ZNF638: variants seen among roughly 807,000 people sequenced by gnomAD.
The protein encoded by ZNF638 is zinc finger protein 638.
Under a neutral mutation model 195.6 loss-of-function variants are expected in ZNF638, and 46 were observed. The ratio of observed to expected loss-of-function variants is 0.24; its 90% CI spans 0.19 to 0.30. The LOEUF is 0.30. Ranked by LOEUF, ZNF638 falls within the 10% of genes least tolerant of loss-of-function variation. The probability of loss-of-function intolerance (pLI) is 1.00; values close to 1 mark genes in which losing one functional copy is unlikely to be tolerated. For synonymous variants in ZNF638, 845 were observed against 772.0 expected (o/e 1.09, Z -1.57); for missense variants, 2,440 against 2,325.3 (o/e 1.05, Z -1.01).
intron 10 of ZNF638, chr2:71,395,238 T>C (rs1330556969): frequency 1.4e-6 from 1 of 717,220 alleles, no homozygotes; most frequent in East Asian, 2.7e-5. Flanking sequence ...TGTTATTTAC[T>C]AATTCTAGGA....
intron 15 of ZNF638, 117 bp downstream of exon 15, chr2:71,400,635 A>G: frequency 1.3e-6 from 1 of 796,518 alleles, no homozygotes; most frequent in Middle Eastern, 3.2e-4. Context: ...AATTCCAGTC[A>G]TTTGTGACTT....
At position 71,359,487 on chromosome 2, in the gene ZNF638, C is replaced by T. The variant is rs529537719; in HGVS notation, c.1380-3666C>T. On this transcript the variant is annotated intron_variant, in intron 3 of 27. Transcript: ENST00000264447. ...GGCTCCCAGCCTATGGCGTGATGCC[C>T]GCCCACATTGAGGGCAGATCTTCCT... Among the ~76,000 whole-genome samples, 12 of 152,300 alleles carry T rather than the reference C, an allele frequency of 7.9e-5. 1 individual carries two copies. The South Asian group carries it at 1.7e-3, about 21-fold the overall frequency.
chr2:71,398,104 T>G (rs1006893830), intron 11 of ZNF638, among the ~76,000 whole-genome samples: 13 of 152,198 alleles, frequency 8.5e-5, no homozygotes, highest in African/African-American at 3.1e-4. Context: ...ATTCAGAAAT[T>G]TATTTAACTT....
chr2:71,399,774 T>C, intron 13 of ZNF638, 129 bp downstream of exon 13: 1 of 722,726 alleles, frequency 1.4e-6, no homozygotes, highest in Non-Finnish European at 2.3e-6. Flanking sequence ...TACAGGTTAT[T>C]TCATCACCCA....
chr2:71,395,513 G>A (rs2079874571), intron 10 of ZNF638: 2 of 608,062 alleles, frequency 3.3e-6, no homozygotes, highest in Admixed American at 2.7e-5. Context: ...AGGTAACAAA[G>A]GAGTGTAAAG....
At chr2:71,399,726 G>T in intron 13 of ZNF638, 81 bp downstream of exon 13, 1 of 1,124,450 alleles carries the variant, frequency 8.9e-7, no homozygotes. Context: ...ACATGTGCAG[G>T]TTTCTTACAT....
At chr2:71,376,638 T>C (rs1362462476) in intron 8 of ZNF638, among the ~76,000 whole-genome samples, 2 of 152,230 alleles carry the variant, frequency 1.3e-5, no homozygotes, top group Admixed American at 1.3e-4. Flanking sequence ...ATGTTAGGAC[T>C]GCCTCTAACT....
chr2:71,424,291 T>TA lies in ZNF638; in HGVS notation c.4524+270dup, dbSNP rs76683427. On this transcript the variant is annotated intron_variant, in intron 22 of 27. Transcript: ENST00000264447. ...ATACAATTTGGAAATAACTGTGGTT[T>TA]AAAAAAAAAAAAAAAAAGTCTGCAG... 5.3e-3 allele frequency among the ~76,000 whole-genome samples: 731 copies of TA among 138,010 alleles called. 3 individuals are homozygous for TA. The highest frequency in any genetic ancestry group is 0.015 in the African/African-American group (573 of 37,732). The allele number at this position is 138,010 out of a possible 152,430, so 90.5% of individuals were successfully genotyped here.
At chr2:71,397,292 A>G (rs1013582664) in intron 11 of ZNF638, among the ~76,000 whole-genome samples, 5 of 152,194 alleles carry the variant, frequency 3.3e-5, no homozygotes, top group African/African-American at 4.8e-5. Context: ...GATTTGTGAT[A>G]ATAACATAGG....
chr2:71,378,701 T>C (rs2104344584), intron 8 of ZNF638, among the ~76,000 whole-genome samples: 1 of 152,326 alleles, frequency 6.6e-6, no homozygotes, highest in East Asian at 1.9e-4. Context: ...TGTTGGGGAA[T>C]GAAGAGCTGT....
intron 3 of ZNF638, among the ~76,000 whole-genome samples, chr2:71,360,693 G>A (rs1458969875): frequency 6.6e-6 from 1 of 151,886 alleles, no homozygotes; most frequent in African/African-American, 2.4e-5. Context: ...TGTTTCCTTA[G>A]CATTAAATTC....
intron 27 of ZNF638, 56 bp downstream of exon 27, chr2:71,433,339 ATTAT>A (rs2080704482): frequency 1.3e-5 from 16 of 1,232,916 alleles, no homozygotes; most frequent in Non-Finnish European, 1.8e-5. Flanking sequence ...TTAGAATCAA[ATTAT>A]TTATCTCCCC....
chr2:71,389,287 G>A (rs910021952), intron 10 of ZNF638, among the ~76,000 whole-genome samples: 1 of 152,192 alleles, frequency 6.6e-6, no homozygotes, highest in African/African-American at 2.4e-5. Flanking sequence ...CTCTTAACCT[G>A]CCCGGTAATG....
chr2:71,377,304 C>T lies in ZNF638; in HGVS notation c.2266-2918C>T, dbSNP rs1010046068. Among the ~76,000 whole-genome samples, 8 of 152,028 alleles carry T rather than the reference C, an allele frequency of 5.3e-5. No individual in the cohort carries two copies. In the East Asian group the frequency reaches 1.2e-3, roughly 22 times the overall value. ...AAGTAGGATCAGATTTCTAATAAAA[C>T]GCTTTCAGCCATGACATACTACTGC... On this transcript the variant is annotated intron_variant, in intron 8 of 27. Transcript: ENST00000264447.
Position 71,412,926 on chromosome 2 carries a change from G to A in ZNF638, c.3261+4679G>A, listed in dbSNP as rs200553070. Among the ~76,000 whole-genome samples the A allele has an allele frequency of 7.6e-5, 10 of 131,592 alleles. No homozygotes were observed. The South Asian group carries it at 1.7e-3, about 22-fold the overall frequency. The allele number at this position is 131,592 out of a possible 152,430, so 86.3% of individuals were successfully genotyped here. A position where few individuals can be genotyped will look rare whatever the true frequency, so the allele number is the denominator to read the frequency against. ...CAGGTAGTGTGATGCCTCCAGCTTT[G>A]TTCTTTTGGCTTAGGATTGCCTTGG... On this transcript the variant is annotated intron_variant, in intron 20 of 27. Transcript: ENST00000264447.
At chr2:71,342,187 C>T (rs2104119956) in intron 1 of ZNF638, among the ~76,000 whole-genome samples, 1 of 141,728 alleles carries the variant, frequency 7.1e-6, no homozygotes, top group Non-Finnish European at 1.5e-5. Context: ...CGTCACTGCA[C>T]TCCAGCCTGG....
intron 8 of ZNF638, among the ~76,000 whole-genome samples, chr2:71,371,275 A>G (rs1243956600): frequency 6.6e-6 from 1 of 152,120 alleles, no homozygotes; most frequent in Non-Finnish European, 1.5e-5. Context: ...TCCAGATCTT[A>G]GCTAATGTGA....
At chr2:71,379,314 TAAAC>T (rs1021515963) in intron 8 of ZNF638, among the ~76,000 whole-genome samples, 3 of 152,116 alleles carry the variant, frequency 2.0e-5, no homozygotes, top group Non-Finnish European at 4.4e-5. Context: ...ATTCCAGAAA[TAAAC>T]AACATGTTTT....
chr2:71,423,163 A>G lies in ZNF638; in HGVS notation c.3649A>G (p.Ile1217Val). The G allele has an allele frequency of 1.9e-6, 3 of 1,614,162 alleles. No homozygotes were observed. Among genetic ancestry groups the G allele is most frequent in the Non-Finnish European group, 2.5e-6 (3 of 1,179,996 alleles). ...SDLEKKGAEI[I>V]NPKTALLPSD... ...CTTGGAGAAGAAAGGGGCAGAAATT[A>G]TTAACCCTAAAACAGCATTGTTACC... Residue 1217 changes from isoleucine to valine, a missense_variant, in exon 22 of 28, where the codon ATT becomes GTT. Around this residue, in one of 5 missense-constraint regions of ZNF638, gnomAD observed 1,883 missense variants for 1,739.1 expected, o/e 1.08. Coordinates refer to ENST00000264447, the MANE Select transcript of ZNF638 (RefSeq NM_014497.5).
Sources: gnomAD v4.1 joint callset for allele counts (sites outside exome capture counted in the v4.1 genomes callset) on GRCh38, gnomAD v4.1.1 for gene constraint, gnomAD v4.1.1 regional missense constraint, MANE v1.5 for transcripts, NCBI Gene and HGNC (gene_info 2026-07-23, HGNC 2026-07-21) for gene names.